The following RABGAP1L variants were observed in gnomAD, a reference collection of about 807,000 sequenced individuals.
RABGAP1L encodes the protein rab GTPase-activating protein 1-like.
Under a neutral mutation model 137.7 loss-of-function variants are expected in RABGAP1L, and 63 were observed. The ratio of observed to expected loss-of-function variants is 0.46; its 90% confidence interval spans 0.37 to 0.56. RABGAP1L has a LOEUF of 0.56. RABGAP1L is among the 20% of genes least tolerant of loss of function. RABGAP1L has a pLI of 0.00. For synonymous variants in RABGAP1L, 431 were observed against 433.7 expected (o/e 0.99, Z 0.08); for missense variants, 1,095 against 1,244.0 (o/e 0.88, Z 1.80).
intron 11 of RABGAP1L, among the ~76,000 whole-genome samples, chr1:174,315,381 T>G (rs937179035): frequency 6.6e-6 from 1 of 152,142 alleles, no homozygotes; most frequent in African/African-American, 2.4e-5. Context: ...CGTCTATATG[T>G]GTCCGTGTAG....
intron 11 of RABGAP1L, among the ~76,000 whole-genome samples, chr1:174,318,016 T>C (rs1679553851): frequency 6.6e-6 from 1 of 150,934 alleles, no homozygotes; most frequent in Admixed American, 6.6e-5. Context: ...CCAGGGGTTA[T>C]AGAGGGGTGG....
chr1:174,733,908 C>A (rs1682719483), intron 17 of RABGAP1L, among the ~76,000 whole-genome samples: 1 of 152,066 alleles, frequency 6.6e-6, no homozygotes, highest in South Asian at 2.1e-4. Context: ...GTGATGATGG[C>A]TTAGGTAAGG....
Position 174,374,944 on chromosome 1 carries a change from A to T in RABGAP1L, c.1559+3872A>T, listed in dbSNP as rs140649799. ...ATATCACCATTCTTGAGGAATTTAC[A>T]ATAACAGTCTGGGCTGTTTCATTTA... On this transcript the variant is annotated intron_variant, in intron 12 of 25. Transcript: ENST00000681986. 1.2e-3 allele frequency among the ~76,000 whole-genome samples: 180 copies of T among 152,296 alleles called. 2 individuals are homozygous for T. The highest frequency in any genetic ancestry group is 2.1e-3 in the Admixed American group (32 of 15,302).
intron 19 of RABGAP1L, among the ~76,000 whole-genome samples, chr1:174,846,862 A>G (rs1694109131): frequency 2.6e-5 from 1 of 38,372 alleles, no homozygotes; most frequent in African/African-American, 4.5e-5. Flanking sequence ...GTGGGAGTCT[A>G]AGTCTCTTTG....
At chr1:174,164,976 G>A (rs1664784973) in intron 1 of RABGAP1L, among the ~76,000 whole-genome samples, 1 of 152,148 alleles carries the variant, frequency 6.6e-6, no homozygotes, top group Non-Finnish European at 1.5e-5. Context: ...CACTTAGTGT[G>A]TATAAGGGAT....
intron 10 of RABGAP1L, among the ~76,000 whole-genome samples, chr1:174,293,051 C>G (rs1329758122): frequency 6.6e-6 from 1 of 151,990 alleles, no homozygotes; most frequent in Non-Finnish European, 1.5e-5. Flanking sequence ...GACCCTAAAA[C>G]TTACACATAA....
At chr1:174,624,951 A>G (rs935578201) in intron 13 of RABGAP1L, among the ~76,000 whole-genome samples, 1 of 150,166 alleles carries the variant, frequency 6.7e-6, no homozygotes, top group African/African-American at 2.5e-5. Context: ...GTTCACTGCA[A>G]CCTCCGCCCC....
chr1:174,405,342 A>G (rs1649135023), intron 13 of RABGAP1L, among the ~76,000 whole-genome samples: 1 of 152,280 alleles, frequency 6.6e-6, no homozygotes, highest in South Asian at 2.1e-4. Flanking sequence ...GTAAAATAAC[A>G]CTCAATACTA....
At chr1:174,983,739 A>T (rs761804194) in intron 24 of RABGAP1L, among the ~76,000 whole-genome samples, 1 of 152,236 alleles carries the variant, frequency 6.6e-6, no homozygotes, top group African/African-American at 2.4e-5. Flanking sequence ...ATGAATATAA[A>T]GTACATAGTG....
chr1:174,471,191 A>T (rs1418565034), intron 13 of RABGAP1L, among the ~76,000 whole-genome samples: 1 of 152,170 alleles, frequency 6.6e-6, no homozygotes, highest in East Asian at 1.9e-4. Context: ...CATACTTATT[A>T]CTTACCCATC....
intron 19 of RABGAP1L, among the ~76,000 whole-genome samples, chr1:174,907,706 T>G (rs1013266122): frequency 6.6e-6 from 1 of 152,064 alleles, no homozygotes; most frequent in Non-Finnish European, 1.5e-5. Flanking sequence ...CTATAATAGA[T>G]TCACTAAAAA....
chr1:174,645,860 C>G lies in RABGAP1L; in HGVS notation c.1824+8372C>G, dbSNP rs538808022. Among the ~76,000 whole-genome samples, 21 of 152,236 alleles carry G rather than the reference C, an allele frequency of 1.4e-4. No individual in the cohort carries two copies. The South Asian group carries it at 4.4e-3, about 32-fold the overall frequency. On this transcript the variant is annotated intron_variant, in intron 14 of 25. Coordinates refer to ENST00000681986, the MANE Select transcript of RABGAP1L (RefSeq NM_001366446.1). ...GTGTTCCTGTTTCTCCACATCCTCT[C>G]CAGCATCTGTTGTTTCCTGACTTTT... is the stretch of plus-strand genomic sequence containing the variant.
chr1:174,488,320 T>G (rs1659872236), intron 13 of RABGAP1L, among the ~76,000 whole-genome samples: 1 of 151,988 alleles, frequency 6.6e-6, no homozygotes, highest in African/African-American at 2.4e-5. Context: ...GATAAAAGTT[T>G]TTTTTTTTTC....
chr1:174,865,568 G>A (rs1225122008), intron 19 of RABGAP1L, among the ~76,000 whole-genome samples: 1 of 113,064 alleles, frequency 8.8e-6, no homozygotes, highest in East Asian at 2.5e-4. Context: ...ATCCTCTATA[G>A]ATATCAGAGA....
intron 19 of RABGAP1L, among the ~76,000 whole-genome samples, chr1:174,929,277 G>T (rs1279793859): frequency 6.6e-6 from 1 of 152,108 alleles, no homozygotes; most frequent in Non-Finnish European, 1.5e-5. Context: ...GCAAACAAAA[G>T]AATAACTGGA....
chr1:174,314,843 G>T (rs1014278908), intron 11 of RABGAP1L, among the ~76,000 whole-genome samples: 1 of 152,046 alleles, frequency 6.6e-6, no homozygotes, highest in Non-Finnish European at 1.5e-5. Flanking sequence ...TTCCACTGTG[G>T]TCGAGAAGAT....
At chr1:174,644,656 A>G (rs958585543) in intron 14 of RABGAP1L, among the ~76,000 whole-genome samples, 1 of 152,096 alleles carries the variant, frequency 6.6e-6, no homozygotes, top group African/African-American at 2.4e-5. Flanking sequence ...TTTCTATACT[A>G]TATTCAAATG....
chr1:174,690,078 C>T (rs1678767238), intron 15 of RABGAP1L, among the ~76,000 whole-genome samples: 1 of 152,154 alleles, frequency 6.6e-6, no homozygotes, highest in Admixed American at 6.5e-5. Context: ...TCCTAATACA[C>T]ACAAACATTT....
At chr1:174,270,524 G>A (rs1674463722) in intron 7 of RABGAP1L, among the ~76,000 whole-genome samples, 1 of 151,988 alleles carries the variant, frequency 6.6e-6, no homozygotes, top group East Asian at 1.9e-4. Context: ...TACTCTAAAA[G>A]CCCAGACAGA....
Sources: gnomAD v4.1 joint callset for allele counts (sites outside exome capture counted in the v4.1 genomes callset) on GRCh38, gnomAD v4.1.1 for gene constraint, MANE v1.5 for transcripts, NCBI Gene and HGNC (gene_info 2026-07-23, HGNC 2026-07-21) for gene names.